Variants in GALM observed in about 807,000 individuals in gnomAD.
The protein encoded by GALM is galactose mutarotase, also known as aldose 1-epimerase.
Under a neutral mutation model 37.4 loss-of-function variants are expected in GALM, and 43 were observed. The observed-to-expected ratio is 1.15, with a 90% CI of 0.90 to 1.48. The LOEUF is 1.48. Among genes scored for constraint, GALM ranks in the 40% most tolerant of loss-of-function variants. GALM has a pLI of 0.00. For synonymous variants in GALM, 199 were observed against 170.6 expected, an observed-to-expected ratio of 1.17 and a Z score of -1.30; for missense variants, 456 against 419.1, an observed-to-expected ratio of 1.09 and a Z score of -0.77.
At chr2:38,677,757 G>T (rs1665293638) in intron 2 of GALM, among the ~76,000 whole-genome samples, 1 of 152,184 alleles carries the variant, frequency 6.6e-6, no homozygotes. Flanking sequence ...GAAGCAGGGG[G>T]CACAGTAGGC....
At chr2:38,691,321 T>C (rs1202506989) in intron 4 of GALM, among the ~76,000 whole-genome samples, 2 of 152,260 alleles carry the variant, frequency 1.3e-5, no homozygotes, top group African/African-American at 4.8e-5. Context: ...TTATTTTACT[T>C]GATTGTAAAA....
chr2:38,698,165 A>G (rs1665848672), intron 4 of GALM, among the ~76,000 whole-genome samples: 1 of 152,100 alleles, frequency 6.6e-6, no homozygotes, highest in South Asian at 2.1e-4. Flanking sequence ...GCTGGTCTCA[A>G]ACTCCTGACC....
At chr2:38,703,732 G>T (rs1222226281) in intron 4 of GALM, among the ~76,000 whole-genome samples, 2 of 152,088 alleles carry the variant, frequency 1.3e-5, no homozygotes, top group Non-Finnish European at 2.9e-5. Context: ...AAAATCCAAG[G>T]CTGGGCGTGG....
At chr2:38,686,347 C>G (rs932948861) in intron 3 of GALM, among the ~76,000 whole-genome samples, 3 of 151,166 alleles carry the variant, frequency 2.0e-5, no homozygotes, top group Admixed American at 6.6e-5. Flanking sequence ...CTCACTGCAA[C>G]CTCCGCCTCC....
At chr2:38,689,976 G>A (rs538584241) in intron 4 of GALM, 82 bp downstream of exon 4, 20 of 750,510 alleles carry the variant, frequency 2.7e-5, no homozygotes, top group Non-Finnish European at 3.6e-5. Flanking sequence ...TGGAGAAAGC[G>A]GTGAAATCTT....
At chr2:38,725,568 A>G (rs1411870551) in intron 4 of GALM, among the ~76,000 whole-genome samples, 2 of 148,522 alleles carry the variant, frequency 1.3e-5, no homozygotes, top group African/African-American at 2.5e-5. Context: ...ACACACACGT[A>G]TATATATAAT....
At chr2:38,675,589 G>GTGTGTGTGT (rs1665240236) in intron 1 of GALM, among the ~76,000 whole-genome samples, 1 of 128,428 alleles carries the variant, frequency 7.8e-6, no homozygotes, top group South Asian at 2.9e-4. Context: ...GTGTGTGTGT[G>GTGTGTGTGT]ATGGAGTCTC....
At chr2:38,704,105 C>T (rs1665987582) in intron 4 of GALM, among the ~76,000 whole-genome samples, 2 of 151,746 alleles carry the variant, frequency 1.3e-5, no homozygotes, top group African/African-American at 4.8e-5. Flanking sequence ...TGCTGCATCA[C>T]CTTGGCCCAC....
At chr2:38,725,053 C>T (rs1385339039) in intron 4 of GALM, among the ~76,000 whole-genome samples, 2 of 152,126 alleles carry the variant, frequency 1.3e-5, no homozygotes, top group East Asian at 1.9e-4. Context: ...TGACCTGAGT[C>T]GATCACACTA....
At chr2:38,708,839 T>C (rs892345269) in intron 4 of GALM, among the ~76,000 whole-genome samples, 2 of 151,906 alleles carry the variant, frequency 1.3e-5, no homozygotes, top group African/African-American at 4.8e-5. Context: ...TGTTTGTTTG[T>C]TTGTTTTTTG....
intron 4 of GALM, among the ~76,000 whole-genome samples, chr2:38,694,356 C>T (rs10197738): frequency 0.086 from 13,113 of 152,268 alleles, 647 homozygotes; most frequent in Non-Finnish European, 0.11. Context: ...CAATCCTCAG[C>T]TCTTTTGCCA....
chr2:38,733,288 G>C (rs1020378137), intron 6 of GALM, among the ~76,000 whole-genome samples, 200 bp from the exon 7 acceptor site: 4 of 151,148 alleles, frequency 2.6e-5, no homozygotes, highest in African/African-American at 9.7e-5. Flanking sequence ...CCCTTCATCA[G>C]GAAAGCCTTC....
At chr2:38,694,996 T>C (rs574908984) in intron 4 of GALM, among the ~76,000 whole-genome samples, 3 of 152,236 alleles carry the variant, frequency 2.0e-5, no homozygotes, top group African/African-American at 7.2e-5. Context: ...GACAGATCCC[T>C]TGTCTTTCTG....
At chr2:38,707,697 C>T (rs569906708) in intron 4 of GALM, among the ~76,000 whole-genome samples, 7 of 152,102 alleles carry the variant, frequency 4.6e-5, no homozygotes, top group African/African-American at 1.4e-4. Context: ...AATACAGAAC[C>T]CTGCCAGGCA....
chr2:38,692,225 A>G (rs145903636), intron 4 of GALM, among the ~76,000 whole-genome samples: 56 of 152,310 alleles, frequency 3.7e-4, no homozygotes, highest in Admixed American at 7.2e-4. Context: ...ACACTTAAGC[A>G]GAAATTGTAG....
At chr2:38,686,529 G>A (rs892882995) in intron 3 of GALM, among the ~76,000 whole-genome samples, 1 of 151,928 alleles carries the variant, frequency 6.6e-6, no homozygotes. Context: ...CTCCCAAAGT[G>A]CTGGGATTAC....
intron 4 of GALM, among the ~76,000 whole-genome samples, chr2:38,692,969 G>A (rs554202320): frequency 4.6e-5 from 7 of 152,152 alleles, no homozygotes; most frequent in Admixed American, 2.6e-4. Flanking sequence ...GAGAGTGGAT[G>A]GGCCTGGAGA....
chr2:38,731,471 C>T (rs1428210101), intron 5 of GALM, among the ~76,000 whole-genome samples: 1 of 151,922 alleles, frequency 6.6e-6, no homozygotes, highest in Non-Finnish European at 1.5e-5. Flanking sequence ...TGCTGCCTTC[C>T]TCCCTACTCC....
At chr2:38,722,039 CA>C (rs1174520975) in intron 4 of GALM, among the ~76,000 whole-genome samples, 858 of 52,016 alleles carry the variant, frequency 0.016, 17 homozygotes, top group African/African-American at 0.029. Context: ...TTCCCCCCCC[CA>C]CCCCCCCCCC....
Sources: gnomAD v4.1 joint callset for allele counts (sites outside exome capture counted in the v4.1 genomes callset) on GRCh38, gnomAD v4.1.1 for gene constraint, MANE v1.5 for transcripts, NCBI Gene and HGNC (gene_info 2026-07-23, HGNC 2026-07-21) for gene names.